LAMB2: variants seen among roughly 807,000 people sequenced by gnomAD.
LAMB2 encodes the protein laminin subunit beta 2.
A neutral mutation model predicts 202.7 loss-of-function variants in LAMB2; 119 were observed. The observed-to-expected ratio is 0.59, with a 90% CI of 0.51 to 0.68. LAMB2 has a LOEUF of 0.68. Among genes scored for constraint, LAMB2 ranks in the 30% least tolerant of loss-of-function variants. The pLI, the probability that LAMB2 is intolerant of heterozygous loss-of-function variation, is 0.00. For synonymous variants in LAMB2, 818 were observed against 902.2 expected, an observed-to-expected ratio of 0.91 and a Z score of 1.67; for missense variants, 2,124 against 2,410.6, an observed-to-expected ratio of 0.88 and a Z score of 2.49.
In LAMB2 at chr3:49,132,712, C is replaced by T. The variant is rs1221130719; in HGVS notation, c.77-49G>A. On this transcript the variant is annotated intron_variant, in intron 1 of 31. Transcript: ENST00000305544. The surrounding 1 kb of genome is among the most constrained non-coding windows in gnomAD (Gnocchi z 4.6). ...TCCGCTGAGTTCCTATCCAGTGGCT[C>T]CACCTCATGTGCCCCAAGGGCAACT... 1 of 1,613,908 alleles carries T rather than the reference C, an allele frequency of 6.2e-7. No individual in the cohort carries two copies. Among genetic ancestry groups the T allele is most frequent in the African/African-American group, 1.3e-5 (1 of 75,062 alleles).
At position 49,129,738 on chromosome 3, in the gene LAMB2, A is replaced by G; in HGVS notation, c.1406-22T>C. 6.2e-7 allele frequency: 1 copy of G among 1,611,570 alleles called. No homozygotes were observed. Among genetic ancestry groups the G allele is most frequent in the Non-Finnish European group, 8.5e-7 (1 of 1,177,756 alleles). On this transcript the variant is annotated intron_variant, in intron 10 of 31. Coordinates refer to ENST00000305544, the MANE Select transcript of LAMB2 (RefSeq NM_002292.4). This position sits in a 1 kb window ranked among gnomAD's most constrained non-coding sequence, Gnocchi z 6.1. Reference sequence around the variant, plus strand: ...CATCCTGCAGGGAAGGAGAACCATCAGCACTTTGGGAAACTGTGGCAGTGC... The same window carrying G: ...CATCCTGCAGGGAAGGAGAACCATCGGCACTTTGGGAAACTGTGGCAGTGC...
Position 49,124,985 on chromosome 3 carries a change from CGCCTGCCCCCATCCACTCACCCGTATA to C in LAMB2, c.2878_2884+20del. The C allele has an allele frequency of 6.2e-7, 1 of 1,613,960 alleles. No individual in the cohort carries two copies. The highest frequency in any genetic ancestry group is 8.5e-7 in the Non-Finnish European group (1 of 1,180,028). ...GCCCAGCCAACTCACCCTGATCCCACGCCTGCCCCCATCCACTCACCCGTATAGCCTGCCCGGCAGTGGCACACAATC... is the reference window on the plus strand; with the variant it reads ...GCCCAGCCAACTCACCCTGATCCCACGCCTGCCCGGCAGTGGCACACAATC... On this transcript the variant is annotated splice_donor_variant and splice_donor_5th_base_variant and coding_sequence_variant and intron_variant, in exon 20 of 32. Transcript: ENST00000305544. LOFTEE classifies it high-confidence loss of function.
In LAMB2 at chr3:49,131,323, C is replaced by G; in HGVS notation, c.712+56G>C. The G allele has an allele frequency of 6.3e-7, 1 of 1,589,318 alleles. No individual in the cohort carries two copies. Among genetic ancestry groups the G allele is most frequent in the Non-Finnish European group, 8.6e-7 (1 of 1,159,170 alleles). ...GCACCCAAAATAGTTACTGAGGCCC[C>G]AAATAGTCCCTAGCCGGACACGGAC... On this transcript the variant is annotated intron_variant, in intron 6 of 31. Coordinates refer to ENST00000305544, the MANE Select transcript of LAMB2 (RefSeq NM_002292.4). This position sits in a 1 kb window ranked among gnomAD's most constrained non-coding sequence, Gnocchi z 5.0.
Position 49,132,025 on chromosome 3 carries a change from A to G in LAMB2, c.459+91T>C. ...GAAGGAGCCTCCTGCATCCATGCTCAAGGAGGCTGTGTTAAGGAGCTGAGG... is the reference window on the plus strand; with the variant it reads ...GAAGGAGCCTCCTGCATCCATGCTCGAGGAGGCTGTGTTAAGGAGCTGAGG... On this transcript the variant is annotated intron_variant, in intron 4 of 31. Coordinates refer to ENST00000305544, the MANE Select transcript of LAMB2 (RefSeq NM_002292.4). The surrounding 1 kb of genome is among the most constrained non-coding windows in gnomAD (Gnocchi z 4.6). 1 of 1,257,150 alleles carries G rather than the reference A, an allele frequency of 8.0e-7. No homozygotes were observed. The highest frequency in any genetic ancestry group is 1.2e-6 in the Non-Finnish European group (1 of 856,600). The allele number at this position is 1,257,150 out of a possible 1,614,324, so 77.9% of individuals were successfully genotyped here.
chr3:49,122,536 AACATGG>A (rs889331546), intron 27 of LAMB2, 162 bp downstream of exon 27: 8 of 924,690 alleles, frequency 8.7e-6, no homozygotes, highest in Non-Finnish European at 1.2e-5. Context: ...CAGACTCAAG[AACATGG>A]ACCTGGGACC....
In LAMB2 at chr3:49,121,951, A is replaced by T; in HGVS notation, c.4916T>A (p.Leu1639Gln). The T allele has an allele frequency of 6.2e-7, 1 of 1,614,046 alleles. No homozygotes were observed. The highest frequency in any genetic ancestry group is 8.5e-7 in the Non-Finnish European group (1 of 1,180,052). Residue 1639 changes from leucine to glutamine, a missense_variant, in exon 29 of 32, where the codon CTG (leucine) becomes CAG (glutamine). Leu to Gln is a moderately radical substitution (Grantham distance 113). Around this residue, in one of 3 missense-constraint regions of LAMB2, gnomAD observed 1,702 missense variants for 1,896.3 expected, o/e 0.90. Transcript: ENST00000305544. ...GTCCTAGGAAGACCTCACCTGGTAC[A>T]GGGTCTGCTCTGTGTCCCGTGTGTC... The part of the protein sequence containing the change: ...VADTRDTEQT[L>Q]YQVQERMAGA...
rs2045410708 is a variant in LAMB2 at position 49,126,060 on chromosome 3, CA to C, written c.2250del (p.His750GlnfsTer42). The C allele has an allele frequency of 6.2e-7, 1 of 1,614,030 alleles. No individual in the cohort carries two copies. Among genetic ancestry groups the C allele is most frequent in the African/African-American group, 1.3e-5 (1 of 74,912 alleles). On this transcript the variant is annotated frameshift_variant, in exon 17 of 32. Transcript: ENST00000305544. LOFTEE classifies it high-confidence loss of function. ...RQATFERYQC[H>X]EEGLVPSKTS... ...GTCTTGCTGGGCACCAGACCCTCCT[CA>C]TGGCATTGGTAGCGTTCAAAGGTGG...
At chr3:49,122,652 G>A (rs374979164) in intron 27 of LAMB2, 52 bp downstream of exon 27, 13 of 1,428,314 alleles carry the variant, frequency 9.1e-6, no homozygotes, top group East Asian at 4.5e-5. Context: ...TACAGACACC[G>A]GGAGTTGCCA....
Position 49,123,113 on chromosome 3 carries a change from C to G in LAMB2, c.4224+19G>C, listed in dbSNP as rs114913744. 3.0e-5 allele frequency: 49 copies of G among 1,609,374 alleles called. No homozygotes were observed. In the Admixed American group the frequency reaches 8.2e-4, roughly 27 times the overall value. On this transcript the variant is annotated intron_variant, in intron 26 of 31. Transcript: ENST00000305544. The stretch of plus-strand genomic sequence containing the variant: ...GGAACATCTACACCCACCTGCCCCA[C>G]CCAACACTTCAACCTCACCAGCTCA...
At chr3:49,128,614 C>T in intron 14 of LAMB2, 29 bp from the exon 15 acceptor site, 1 of 1,614,204 alleles carries the variant, frequency 6.2e-7, no homozygotes, top group Non-Finnish European at 8.5e-7. Context: ...GGAGGAGATG[C>T]TCCCACACCC....
At position 49,122,173 on chromosome 3, in the gene LAMB2, G is replaced by A. The variant is rs779316233; in HGVS notation, c.4771C>T (p.Arg1591Trp). The A allele has an allele frequency of 3.2e-5, 51 of 1,613,452 alleles. No individual in the cohort carries two copies. The South Asian group carries it at 4.2e-4, about 13-fold the overall frequency. Residue 1591 changes from arginine to tryptophan, a missense_variant, in exon 28 of 32, where the codon CGG becomes TGG. Arg to Trp is a moderately radical substitution (Grantham distance 101). Coordinates refer to ENST00000305544, the MANE Select transcript of LAMB2 (RefSeq NM_002292.4). ...GGGATGGGGTCAGACCTTGCCCGCCGTGCATCCTGCAGTAGCTGCTCGGCA... is the reference window on the plus strand; with the variant it reads ...GGGATGGGGTCAGACCTTGCCCGCCATGCATCCTGCAGTAGCTGCTCGGCA... ...RRAEQLLQDA[R>W]RARSWAEDEK... is the part of the protein sequence containing the mutation.
Position 49,130,780 on chromosome 3 carries a change from G to C in LAMB2, c.996C>G (p.Pro332=), listed in dbSNP as rs1161392534. Residue 332 remains proline, a synonymous_variant, in exon 8 of 32, where the codon CCC becomes CCG. Coordinates refer to ENST00000305544, the MANE Select transcript of LAMB2 (RefSeq NM_002292.4). The surrounding 1 kb of genome is among the most constrained non-coding windows in gnomAD (Gnocchi z 5.0). ...TATGGCCGTCCTCAGCCGGACGCCAGGGCAGGTCACGATAGAAATCCTGAC... is the reference window on the plus strand; with the variant it reads ...TATGGCCGTCCTCAGCCGGACGCCACGGCAGGTCACGATAGAAATCCTGAC... ...EQCQDFYRDL[P]WRPAEDGHSH... 1 of 1,614,140 alleles carries C rather than the reference G, an allele frequency of 6.2e-7. No homozygotes were observed. The highest frequency in any genetic ancestry group is 1.7e-5 in the Admixed American group (1 of 60,032).
rs1382851238 is a variant in LAMB2 at position 49,129,029 on chromosome 3, G to A, written c.1722C>T (p.Thr574=). 6.2e-7 allele frequency: 1 copy of A among 1,609,642 alleles called. No individual in the cohort carries two copies. Among genetic ancestry groups the A allele is most frequent in the Non-Finnish European group, 8.5e-7 (1 of 1,180,012 alleles). The change falls in exon 13 of 32, where the codon ACC becomes ACT. Residue 574 remains threonine (T), a synonymous_variant. Coordinates refer to ENST00000305544, the MANE Select transcript of LAMB2 (RefSeq NM_002292.4). The surrounding 1 kb of genome is among the most constrained non-coding windows in gnomAD (Gnocchi z 6.1). ...GGGGGAGGCCCCACACCTGCCCTCG[G>A]GTGTCCTCAGCCTCCCAAATTAGGT... ...LDHLIWEAED[T]RGQVLDVVER...
At chr3:49,128,899 C>A in intron 13 of LAMB2, 80 bp from the exon 14 acceptor site, 3 of 1,599,586 alleles carry the variant, frequency 1.9e-6, no homozygotes, top group South Asian at 2.2e-5. Flanking sequence ...AACCCCATTT[C>A]TCCTGCCAAA....
Position 49,121,136 on chromosome 3 carries a change from G to A in LAMB2, c.*90C>T. 1 of 1,480,348 alleles carries A rather than the reference G, an allele frequency of 6.8e-7. No homozygotes were observed. The highest frequency in any genetic ancestry group is 9.3e-7 in the Non-Finnish European group (1 of 1,074,614). The allele number at this position is 1,480,348 out of a possible 1,614,324, so 91.7% of individuals were successfully genotyped here. On this transcript the variant is annotated 3_prime_UTR_variant, in exon 32 of 32. Coordinates refer to ENST00000305544, the MANE Select transcript of LAMB2 (RefSeq NM_002292.4). ...CAGTGGGGGTTCACACTGGTTTATT[G>A]GGGGCCCTGCCGGGCCAAGAGCTCT...
Position 49,129,390 on chromosome 3 carries a change from A to T in LAMB2, c.1519-66T>A. On this transcript the variant is annotated intron_variant, in intron 11 of 31. Coordinates refer to ENST00000305544, the MANE Select transcript of LAMB2 (RefSeq NM_002292.4). The surrounding 1 kb of genome is among the most constrained non-coding windows in gnomAD (Gnocchi z 6.1). ...AGACCCCATCACCACCCAGCAGGAA[A>T]TCCCAACCACACGTCTTAGCCTCAA... The T allele has an allele frequency of 7.0e-7, 1 of 1,420,220 alleles. No homozygotes were observed. The allele number at this position is 1,420,220 out of a possible 1,614,324, so 88.0% of individuals were successfully genotyped here. A position where few individuals can be genotyped will look rare whatever the true frequency, so the allele number is the denominator to read the frequency against.
Position 49,132,399 on chromosome 3 carries a change from T to C in LAMB2, c.256A>G (p.Lys86Glu). ...CGGGAGTCACAAAGGAAGCACTTCT[T>C]TTCGTCCTGGGTTGGATGGGGATTA... The part of the protein sequence containing the change: ...YCIVSHLQDE[K>E]KCFLCDSRRP... Residue 86 changes from lysine (K) to glutamate (E), a missense_variant, in exon 3 of 32, where the codon AAG becomes GAG. Coordinates refer to ENST00000305544, the MANE Select transcript of LAMB2 (RefSeq NM_002292.4). This position sits in a 1 kb window ranked among gnomAD's most constrained non-coding sequence, Gnocchi z 4.6. The C allele has an allele frequency of 1.9e-6, 3 of 1,614,206 alleles. No homozygotes were observed. The highest frequency in any genetic ancestry group is 2.5e-6 in the Non-Finnish European group (3 of 1,180,026).
Position 49,131,413 on chromosome 3 carries a change from G to T in LAMB2, c.678C>A (p.Ile226=). 6.2e-7 allele frequency: 1 copy of T among 1,614,168 alleles called. No individual in the cohort carries two copies. Among genetic ancestry groups the T allele is most frequent in the South Asian group, 1.1e-5 (1 of 91,092 alleles). Residue 226 remains isoleucine (I), a synonymous_variant, in exon 6 of 32, where the codon ATC becomes ATA. Transcript: ENST00000305544. The surrounding 1 kb of genome is among the most constrained non-coding windows in gnomAD (Gnocchi z 5.0). The stretch of plus-strand genomic sequence containing the variant: ...GTGAGCTGTAGGGGTCTGGGATAGG[G>T]ATGGCAGGGTCCAGCACACGATAGA... ...EVIYRVLDPA[I]PIPDPYSSRI... is the part of the protein sequence containing the mutation.
rs151276385 is a variant in LAMB2, at chr3:49,130,287, C to T, written c.1169G>A (p.Arg390Gln). ...GGTTGGGTCACGGTAGAAGAAGGGC[C>T]GACAGAGCTCACAGTGGCGCCCAGC... ...NTAGRHCELC[R>Q]PFFYRDPTKD... The change falls in exon 9 of 32, where the codon CGG (arginine) becomes CAG (glutamine). Residue 390 changes from arginine (R) to glutamine (Q), a missense_variant. Arg to Gln is a conservative substitution (Grantham distance 43). Around this residue, in one of 3 missense-constraint regions of LAMB2, gnomAD observed 1,702 missense variants for 1,896.3 expected, o/e 0.90. Transcript: ENST00000305544. This position sits in a 1 kb window ranked among gnomAD's most constrained non-coding sequence, Gnocchi z 5.0. The T allele has an allele frequency of 4.8e-5, 78 of 1,614,226 alleles. No individual in the cohort carries two copies. Among genetic ancestry groups the T allele is most frequent in the Non-Finnish European group, 6.4e-5 (75 of 1,180,040 alleles).
Sources: gnomAD v4.1 joint callset for allele counts on GRCh38, gnomAD v4.1.1 for gene constraint, gnomAD v4.1.1 regional missense constraint, Gnocchi (gnomAD v3.1) non-coding constraint, MANE v1.5 for transcripts, NCBI Gene and HGNC (gene_info 2026-07-23, HGNC 2026-07-21) for gene names.